The following TMEM62 variants were observed in gnomAD, a reference collection of about 807,000 sequenced individuals.
TMEM62 encodes the protein transmembrane protein 62.
In TMEM62, 41 loss-of-function variants were observed where a neutral mutation model predicts 70.4. The observed-to-expected ratio is 0.58, with a 90% CI of 0.45 to 0.76. The LOEUF is 0.76. Ranked by LOEUF, TMEM62 falls within the 30% of genes least tolerant of loss-of-function variation. The pLI is 0.00. For synonymous variants in TMEM62, 268 were observed against 291.0 expected (o/e 0.92, Z 0.80); for missense variants, 688 against 788.5 (o/e 0.87, Z 1.53).
At chr15:43,177,117 C>T (rs949445245) in intron 11 of TMEM62, among the ~76,000 whole-genome samples, 1 of 151,526 alleles carries the variant, frequency 6.6e-6, no homozygotes, top group South Asian at 2.1e-4. Context: ...TGAAATGAAG[C>T]GAGAAGGGAA....
chr15:43,148,166 A>C (rs1474964311), intron 5 of TMEM62, among the ~76,000 whole-genome samples: 1 of 152,088 alleles, frequency 6.6e-6, no homozygotes, highest in Non-Finnish European at 1.5e-5. Context: ...GTATAGATTC[A>C]TTTTGTTTGT....
chr15:43,134,176 C>G lies in TMEM62; in HGVS notation c.181-81C>G, dbSNP rs1596168070. The G allele has an allele frequency of 4.6e-6, 7 of 1,519,726 alleles. No homozygotes were observed. The East Asian group carries it at 1.1e-4, about 25-fold the overall frequency. 94.1% of individuals were successfully genotyped at this position (1,519,726 alleles called of 1,614,324 possible). ...TTGCCTCTTTGCCTTTTCCTTCTGC[C>G]CGAGAGAGCCGCTGAGCCGCCCCTC... On this transcript the variant is annotated intron_variant, in intron 1 of 13. Coordinates refer to ENST00000260403, the MANE Select transcript of TMEM62 (RefSeq NM_024956.4).
intron 4 of TMEM62, 131 bp downstream of exon 4, chr15:43,138,750 G>A (rs908355889): frequency 7.8e-6 from 6 of 767,248 alleles, no homozygotes; most frequent in African/African-American, 7.0e-5. Flanking sequence ...TTTTGCCCAG[G>A]CTAGCTCTGA....
rs12595050 is a variant in TMEM62, at chr15:43,144,473, A to G, written c.477-2020A>G. Among the ~76,000 whole-genome samples, 583 of 152,356 alleles carry G rather than the reference A, an allele frequency of 3.8e-3. 8 individuals are homozygous for G. The East Asian group carries it at 0.045, about 12-fold the overall frequency. On this transcript the variant is annotated intron_variant, in intron 4 of 13. Coordinates refer to ENST00000260403, the MANE Select transcript of TMEM62 (RefSeq NM_024956.4). The stretch of plus-strand genomic sequence containing the variant: ...ATAGTGTTTTATAAATGGCAATCCC[A>G]CAATAAAAAAGGAAAAAGATGGGAT...
chr15:43,168,374 C>T (rs1274300023), intron 10 of TMEM62, among the ~76,000 whole-genome samples: 1 of 152,082 alleles, frequency 6.6e-6, no homozygotes, highest in Non-Finnish European at 1.5e-5. Flanking sequence ...TCTGTGGTGA[C>T]TACTGCTTGG....
rs1450470858 is a variant in TMEM62, at chr15:43,135,666, A to G, written c.430+17A>G. 1 of 1,569,300 alleles carries G rather than the reference A, an allele frequency of 6.4e-7. No homozygotes were observed. Among genetic ancestry groups the G allele is most frequent in the Non-Finnish European group, 8.6e-7 (1 of 1,166,722 alleles). On this transcript the variant is annotated intron_variant, in intron 3 of 13. Coordinates refer to ENST00000260403, the MANE Select transcript of TMEM62 (RefSeq NM_024956.4). ...GAAATCATGGTAAGAGCCAAGAGCC[A>G]GATACAATAAAGACAAGAGTTTTTT...
chr15:43,177,728 C>G (rs917073899), intron 11 of TMEM62, among the ~76,000 whole-genome samples: 1 of 152,010 alleles, frequency 6.6e-6, no homozygotes, highest in African/African-American at 2.4e-5. Context: ...AATCATCATT[C>G]TCAGTAAACT....
Position 43,171,106 on chromosome 15 carries a change from C to T in TMEM62, c.1381+1429C>T, listed in dbSNP as rs141323827. Among the ~76,000 whole-genome samples the T allele has an allele frequency of 4.5e-3, 690 of 152,212 alleles. 4 individuals are homozygous for T. The highest frequency in any genetic ancestry group is 0.016 in the African/African-American group (653 of 41,536). On this transcript the variant is annotated intron_variant, in intron 11 of 13. Transcript: ENST00000260403. The stretch of plus-strand genomic sequence containing the variant: ...ATCTCAGCATTGTGGGAGGCCGAGA[C>T]GGGCAGATCACCTGAGATCAGGAGT...
chr15:43,169,819 A>G, intron 11 of TMEM62, 142 bp downstream of exon 11: 1 of 649,004 alleles, frequency 1.5e-6, no homozygotes, highest in South Asian at 2.0e-5. Context: ...GCCTTGAGTA[A>G]ATGGTCCTGA....
intron 2 of TMEM62, 100 bp downstream of exon 2, chr15:43,134,468 T>C: frequency 1.1e-6 from 1 of 884,384 alleles, no homozygotes; most frequent in South Asian, 1.4e-5. Flanking sequence ...GGGAGCAGTA[T>C]AGCCACAGCC....
intron 7 of TMEM62, among the ~76,000 whole-genome samples, chr15:43,151,129 T>C (rs1016917996): frequency 1.2e-4 from 19 of 152,142 alleles, no homozygotes; most frequent in African/African-American, 4.6e-4. Flanking sequence ...GGGGATCACC[T>C]GCGGTCAGGA....
At chr15:43,169,810 C>A in intron 11 of TMEM62, 133 bp downstream of exon 11, 1 of 689,358 alleles carries the variant, frequency 1.5e-6, no homozygotes, top group Non-Finnish European at 2.4e-6. Flanking sequence ...ACTCAAGAAG[C>A]CTTGAGTAAA....
intron 11 of TMEM62, among the ~76,000 whole-genome samples, chr15:43,174,403 T>C (rs2040521346): frequency 6.6e-6 from 1 of 152,234 alleles, no homozygotes; most frequent in Admixed American, 6.5e-5. Flanking sequence ...ATGTTTTTCT[T>C]CTTATATTTA....
intron 10 of TMEM62, among the ~76,000 whole-genome samples, chr15:43,168,692 C>G (rs1440118380): frequency 1.3e-5 from 2 of 152,166 alleles, no homozygotes; most frequent in Non-Finnish European, 2.9e-5. Context: ...GGATGGGTGA[C>G]ACAAGTACTC....
At chr15:43,146,748 AAT>A in intron 5 of TMEM62, 114 bp downstream of exon 5, 1 of 1,015,360 alleles carries the variant, frequency 9.8e-7, no homozygotes, top group South Asian at 1.8e-5. Context: ...GCTTTGGAGA[AAT>A]TTAACTTGGT....
intron 7 of TMEM62, among the ~76,000 whole-genome samples, chr15:43,150,517 T>TA (rs2037236694): frequency 6.6e-6 from 1 of 152,242 alleles, no homozygotes; most frequent in Non-Finnish European, 1.5e-5. Flanking sequence ...TTGTGTTAGT[T>TA]ACAATAGAAT....
In TMEM62 at chr15:43,184,839, GA is replaced by G. The variant is rs2041743562; in HGVS notation, c.*255del. On this transcript the variant is annotated 3_prime_UTR_variant, in exon 14 of 14. Transcript: ENST00000260403. The stretch of plus-strand genomic sequence containing the variant: ...AGGCAAAGAGTTGATTTACCTTTGT[GA>G]AGAGAAAACCCTTATCTAGGACATC... The G allele has an allele frequency of 1.9e-6, 1 of 535,650 alleles. No individual in the cohort carries two copies. Among genetic ancestry groups the G allele is most frequent in the South Asian group, 2.5e-5 (1 of 39,998 alleles). 33.2% of individuals were successfully genotyped at this position (535,650 alleles called of 1,614,324 possible). A position where few individuals can be genotyped will look rare whatever the true frequency, so the allele number is the denominator to read the frequency against.
chr15:43,161,564 A>G (rs940323066), intron 10 of TMEM62, among the ~76,000 whole-genome samples: 3 of 152,108 alleles, frequency 2.0e-5, no homozygotes, highest in African/African-American at 7.2e-5. Context: ...TAACCATTGT[A>G]TTTGTCATTA....
At chr15:43,150,856 G>C (rs2037278317) in intron 7 of TMEM62, among the ~76,000 whole-genome samples, 2 of 152,214 alleles carry the variant, frequency 1.3e-5, no homozygotes, top group Non-Finnish European at 2.9e-5. Context: ...CCTGATACCA[G>C]GAGACTGGGA....
Sources: gnomAD v4.1 joint callset for allele counts (sites outside exome capture counted in the v4.1 genomes callset) on GRCh38, gnomAD v4.1.1 for gene constraint, MANE v1.5 for transcripts, NCBI Gene and HGNC (gene_info 2026-07-23, HGNC 2026-07-21) for gene names.